VPS8: variants seen among roughly 807,000 people sequenced by gnomAD.
The protein encoded by VPS8 is vacuolar protein sorting-associated protein 8 homolog.
Under a neutral mutation model 216.4 loss-of-function variants are expected in VPS8, and 129 were observed. The observed-to-expected ratio is 0.60, with a 90% CI of 0.52 to 0.69. VPS8 has a LOEUF of 0.69. VPS8 is among the 30% of genes least tolerant of loss of function. VPS8 has a pLI of 0.00. For synonymous variants in VPS8, 571 were observed against 565.4 expected (o/e 1.01, Z -0.14); for missense variants, 1,531 against 1,683.5 (o/e 0.91, Z 1.59).
chr3:184,830,780 C>T (rs1169169052), intron 3 of VPS8, among the ~76,000 whole-genome samples: 2 of 152,176 alleles, frequency 1.3e-5, no homozygotes, highest in East Asian at 1.9e-4. Flanking sequence ...TTTCCTACAG[C>T]AATCGTTCCA....
chr3:184,902,293 T>C (rs1160712997), intron 25 of VPS8, among the ~76,000 whole-genome samples: 1 of 151,412 alleles, frequency 6.6e-6, no homozygotes, highest in East Asian at 1.9e-4. Context: ...CTGGCCAATA[T>C]GGTGAAACCC....
At chr3:184,922,241 A>T (rs1738765533) in intron 29 of VPS8, among the ~76,000 whole-genome samples, 1 of 152,202 alleles carries the variant, frequency 6.6e-6, no homozygotes, top group Non-Finnish European at 1.5e-5. Flanking sequence ...ACGCTCTCCC[A>T]CACATCTAGG....
chr3:184,946,387 C>T lies in VPS8; in HGVS notation c.3035+6144C>T, dbSNP rs116050703. On this transcript the variant is annotated intron_variant, in intron 36 of 47. Coordinates refer to ENST00000625842, the MANE Select transcript of VPS8 (RefSeq NM_001009921.3). ...AGCTTGGCCTGCGCCCAGGAATGAG[C>T]GAGGACAGCCAGCCTATGAGGCTTG... 3.4e-3 allele frequency among the ~76,000 whole-genome samples: 522 copies of T among 152,334 alleles called. 3 individuals are homozygous for T. The highest frequency in any genetic ancestry group is 0.012 in the African/African-American group (503 of 41,582).
chr3:184,905,703 A>T (rs757521765), intron 25 of VPS8, among the ~76,000 whole-genome samples: 2 of 151,780 alleles, frequency 1.3e-5, no homozygotes, highest in Non-Finnish European at 2.9e-5. Context: ...AAAAGTAATA[A>T]AATCTGTGAG....
intron 34 of VPS8, among the ~76,000 whole-genome samples, chr3:184,932,597 C>G (rs912572770): frequency 1.3e-5 from 2 of 152,182 alleles, no homozygotes; most frequent in African/African-American, 2.4e-5. Context: ...CTTCCCCCTT[C>G]CCCCACACAG....
rs553593746 is a variant in VPS8, at chr3:184,970,102, G to A, written c.3317-1547G>A. On this transcript the variant is annotated intron_variant, in intron 39 of 47. Transcript: ENST00000625842. ...ATTTTTGTATTTTTAGTAGAGTTGG[G>A]GTTCCACCATCTTGGCCAGGCTGGT... Among the ~76,000 whole-genome samples the A allele has an allele frequency of 5.3e-5, 8 of 151,464 alleles. No homozygotes were observed. The South Asian group carries it at 1.5e-3, about 28-fold the overall frequency.
Position 184,894,531 on chromosome 3 carries a change from T to C in VPS8, c.1782-172T>C, listed in dbSNP as rs746459625. Among the ~76,000 whole-genome samples the C allele has an allele frequency of 2.2e-3, 217 of 98,964 alleles. 1 individual carries two copies. Among genetic ancestry groups the C allele is most frequent in the South Asian group, 2.4e-3 (7 of 2,880 alleles). The allele number at this position is 98,964 out of a possible 152,430, so 64.9% of individuals were successfully genotyped here. ...ACGTATATATATATATATATATATATACACACACACACAAAGTTTTTGCAG... is the reference window on the plus strand; with the variant it reads ...ACGTATATATATATATATATATATACACACACACACACAAAGTTTTTGCAG... On this transcript the variant is annotated intron_variant, in intron 22 of 47. Coordinates refer to ENST00000625842, the MANE Select transcript of VPS8 (RefSeq NM_001009921.3).
At chr3:184,828,206 C>A (rs1719215538) in intron 3 of VPS8, among the ~76,000 whole-genome samples, 1 of 152,160 alleles carries the variant, frequency 6.6e-6, no homozygotes, top group African/African-American at 2.4e-5. Context: ...ATGGCACGAT[C>A]TTGGCTCACT....
chr3:184,837,547 A>T (rs1721335548), intron 5 of VPS8, among the ~76,000 whole-genome samples: 2 of 152,218 alleles, frequency 1.3e-5, no homozygotes, highest in East Asian at 3.9e-4. Context: ...ACACAGACAT[A>T]TACACTCAAA....
intron 1 of VPS8, among the ~76,000 whole-genome samples, chr3:184,822,163 G>T (rs1320238710): frequency 6.6e-6 from 1 of 151,948 alleles, no homozygotes; most frequent in Non-Finnish European, 1.5e-5. Flanking sequence ...TTTTTGGGGG[G>T]TCAGGGGTGG....
intron 45 of VPS8, among the ~76,000 whole-genome samples, chr3:185,014,007 C>G (rs1168326831): frequency 1.3e-5 from 2 of 152,180 alleles, no homozygotes; most frequent in East Asian, 3.8e-4. Flanking sequence ...GTATCTCTCA[C>G]TTATAGGAAT....
intron 37 of VPS8, among the ~76,000 whole-genome samples, chr3:184,963,359 G>A (rs1368060357): frequency 2.6e-5 from 4 of 151,910 alleles, no homozygotes; most frequent in African/African-American, 9.7e-5. Context: ...TCTTTGGTGA[G>A]GTTTTATAGC....
At chr3:184,970,041 G>T (rs1049619856) in intron 39 of VPS8, among the ~76,000 whole-genome samples, 2 of 150,708 alleles carry the variant, frequency 1.3e-5, no homozygotes, top group Non-Finnish European at 3.0e-5. Context: ...CTCCCGAGTG[G>T]CTGGTGTTAC....
intron 36 of VPS8, chr3:184,944,604 A>T (rs898545184): frequency 2.5e-5 from 25 of 983,816 alleles, no homozygotes; most frequent in African/African-American, 3.5e-5. Context: ...GTATATTTAT[A>T]TTCTGAATAT....
At chr3:185,006,919 C>CTACA (rs1417023529) in intron 45 of VPS8, among the ~76,000 whole-genome samples, 2 of 152,216 alleles carry the variant, frequency 1.3e-5, no homozygotes, top group East Asian at 3.8e-4. Context: ...GGCTCCAACT[C>CTACA]TACAGGATGC....
At position 185,004,216 on chromosome 3, in the gene VPS8, G is replaced by A. The variant is rs985192649; in HGVS notation, c.4002+4355G>A. On this transcript the variant is annotated intron_variant, in intron 45 of 47. Coordinates refer to ENST00000625842, the MANE Select transcript of VPS8 (RefSeq NM_001009921.3). Reference sequence around the variant, plus strand: ...TTGAGCAGTGAGTGAACGAGACTCCGTCTGCAATCCCGGCACCCCGGGAGG... The same window carrying A: ...TTGAGCAGTGAGTGAACGAGACTCCATCTGCAATCCCGGCACCCCGGGAGG... 2.6e-5 allele frequency among the ~76,000 whole-genome samples: 4 copies of A among 152,110 alleles called. No homozygotes were observed. In the South Asian group the frequency reaches 6.2e-4, roughly 24 times the overall value.
intron 44 of VPS8, among the ~76,000 whole-genome samples, chr3:184,998,213 C>T (rs920468158): frequency 3.3e-5 from 5 of 151,968 alleles, no homozygotes; most frequent in South Asian, 2.1e-4. Context: ...AGGACTGGGG[C>T]GGTGACATGA....
chr3:184,888,339 G>T (rs1731691965), intron 22 of VPS8, among the ~76,000 whole-genome samples: 1 of 152,170 alleles, frequency 6.6e-6, no homozygotes, highest in East Asian at 1.9e-4. Flanking sequence ...GCCTACGGGA[G>T]AAATTTCTTT....
chr3:185,001,945 G>A (rs1230923497), intron 45 of VPS8, among the ~76,000 whole-genome samples: 1 of 152,162 alleles, frequency 6.6e-6, no homozygotes, highest in African/African-American at 2.4e-5. Flanking sequence ...CAGATAATGA[G>A]TAGATATAAA....
Sources: gnomAD v4.1 joint callset for allele counts (sites outside exome capture counted in the v4.1 genomes callset) on GRCh38, gnomAD v4.1.1 for gene constraint, MANE v1.5 for transcripts, NCBI Gene and HGNC (gene_info 2026-07-23, HGNC 2026-07-21) for gene names.